The following CCDC171 variants were observed in gnomAD, a reference collection of about 807,000 sequenced individuals.
CCDC171 encodes the protein coiled-coil domain containing 171.
Under a neutral mutation model 168.2 loss-of-function variants are expected in CCDC171, and 177 were observed. The observed-to-expected ratio is 1.05, with a 90% CI of 0.93 to 1.19. The LOEUF (loss-of-function observed/expected upper bound fraction) is 1.19, where lower values mean the gene tolerates loss of function less well. Among genes scored for constraint, CCDC171 ranks in the 50% most tolerant of loss-of-function variants. CCDC171 has a pLI of 0.00. For missense variants in CCDC171, 1,991 were observed against 1,539.0 expected (o/e 1.29, Z -4.91); for synonymous variants, 687 against 540.8 (o/e 1.27, Z -3.75).
chr9:15,899,708 T>C (rs189524351), intron 24 of CCDC171, among the ~76,000 whole-genome samples: 2 of 152,356 alleles, frequency 1.3e-5, no homozygotes. Context: ...CATTTTCTAA[T>C]TGAATTGTCT....
At position 15,860,572 on chromosome 9, in the gene CCDC171, C is replaced by T. The variant is rs540776823; in HGVS notation, c.3468+11625C>T. ...TATTGTGAATTTTCCAGTTTTTCTT[C>T]TATACTTTGTTTCTGGTTTCATTTC... is the stretch of plus-strand genomic sequence containing the variant. On this transcript the variant is annotated intron_variant, in intron 23 of 25. Coordinates refer to ENST00000380701, the MANE Select transcript of CCDC171 (RefSeq NM_173550.4). Among the ~76,000 whole-genome samples, 8 of 151,960 alleles carry T rather than the reference C, an allele frequency of 5.3e-5. No individual in the cohort carries two copies. In the South Asian group the frequency reaches 1.2e-3, roughly 24 times the overall value.
chr9:15,786,999 C>G (rs2057998120), intron 21 of CCDC171, among the ~76,000 whole-genome samples: 1 of 152,138 alleles, frequency 6.6e-6, no homozygotes, highest in East Asian at 1.9e-4. Flanking sequence ...GAATAAACAG[C>G]CTTGTTGCTT....
chr9:15,581,380 T>C (rs1587122682), intron 4 of CCDC171, among the ~76,000 whole-genome samples: 1 of 152,114 alleles, frequency 6.6e-6, no homozygotes, highest in Non-Finnish European at 1.5e-5. Flanking sequence ...GATTGAATGC[T>C]GTCCCCATCA....
chr9:15,811,064 A>G (rs1025487978), intron 21 of CCDC171, among the ~76,000 whole-genome samples: 2 of 152,258 alleles, frequency 1.3e-5, no homozygotes, highest in African/African-American at 2.4e-5. Flanking sequence ...TCTGTTGTAC[A>G]GTGCTGGTCG....
At chr9:15,778,730 C>G (rs1284443811) in intron 19 of CCDC171, among the ~76,000 whole-genome samples, 2 of 151,584 alleles carry the variant, frequency 1.3e-5, no homozygotes, top group Non-Finnish European at 2.9e-5. Context: ...TGTATGAGAC[C>G]TAAACAGCTG....
intron 23 of CCDC171, among the ~76,000 whole-genome samples, chr9:15,866,694 G>A (rs1477107845): frequency 2.0e-5 from 3 of 151,926 alleles, no homozygotes; most frequent in Non-Finnish European, 4.4e-5. Flanking sequence ...ATAATACTCT[G>A]GCAAAGAAAG....
chr9:16,053,269 G>A (rs1172618629), intron 1 of CCDC171, among the ~76,000 whole-genome samples: 1 of 152,246 alleles, frequency 6.6e-6, no homozygotes, highest in East Asian at 1.9e-4. Flanking sequence ...GTGGACCAGA[G>A]TCCAGGTCCA....
At chr9:15,932,699 G>GA (rs1826669506) in intron 25 of CCDC171, among the ~76,000 whole-genome samples, 1 of 151,836 alleles carries the variant, frequency 6.6e-6, no homozygotes, top group African/African-American at 2.4e-5. Flanking sequence ...GATTTTAGGG[G>GA]AAAAACGTCT....
chr9:15,606,661 G>A (rs1221072427), intron 6 of CCDC171, among the ~76,000 whole-genome samples: 4 of 152,056 alleles, frequency 2.6e-5, no homozygotes, highest in Admixed American at 2.6e-4. Flanking sequence ...ACTGTATTTT[G>A]GATTCTGAGA....
chr9:15,604,736 C>G (rs374283202), intron 6 of CCDC171, among the ~76,000 whole-genome samples: 78 of 152,176 alleles, frequency 5.1e-4, no homozygotes, highest in African/African-American at 1.7e-3. Context: ...TGGGGTGCAA[C>G]ATATCAAAAG....
At chr9:15,683,236 T>A (rs1587939996) in intron 10 of CCDC171, among the ~76,000 whole-genome samples, 1 of 152,134 alleles carries the variant, frequency 6.6e-6, no homozygotes, top group East Asian at 1.9e-4. Flanking sequence ...GTGTATATTT[T>A]TTCCCCAATA....
chr9:15,926,598 C>A (rs1366269325), intron 25 of CCDC171, among the ~76,000 whole-genome samples: 1 of 151,560 alleles, frequency 6.6e-6, no homozygotes, highest in African/African-American at 2.4e-5. Context: ...ATCAGGCAGG[C>A]CTGGATGTAC....
At chr9:15,618,458 G>T (rs866159463) in intron 6 of CCDC171, among the ~76,000 whole-genome samples, 4 of 152,196 alleles carry the variant, frequency 2.6e-5, no homozygotes, top group African/African-American at 9.7e-5. Flanking sequence ...GCTAGGCTCC[G>T]TGGGAGTGGG....
At chr9:15,988,041 A>C (rs866017159) in intron 3 of CCDC171, among the ~76,000 whole-genome samples, 1 of 152,228 alleles carries the variant, frequency 6.6e-6, no homozygotes, top group African/African-American at 2.4e-5. Flanking sequence ...AGCAGTAAAC[A>C]ATCCTTTTGT....
chr9:15,587,690 G>C (rs1028081928), intron 4 of CCDC171: 1 of 456,528 alleles, frequency 2.2e-6, no homozygotes, highest in Non-Finnish European at 4.4e-6. Context: ...TCAGATTCTA[G>C]GTGGTGGGTA....
At chr9:15,633,400 C>G (rs1587605991) in intron 7 of CCDC171, among the ~76,000 whole-genome samples, 1 of 152,160 alleles carries the variant, frequency 6.6e-6, no homozygotes, top group Non-Finnish European at 1.5e-5. Flanking sequence ...GACATTTATG[C>G]AGCCAAAAAA....
chr9:15,773,351 A>G (rs552627740), intron 18 of CCDC171, among the ~76,000 whole-genome samples: 30 of 152,302 alleles, frequency 2.0e-4, no homozygotes, highest in African/African-American at 6.0e-4. Context: ...TAACTTTTCA[A>G]TGTCCTTCCT....
chr9:16,068,026 T>C, the CCDC171 span, among the ~76,000 whole-genome samples: 2 of 151,488 alleles, frequency 1.3e-5, no homozygotes, highest in South Asian at 2.1e-4. Context: ...TGTCCCTGTT[T>C]GCAGACGACA....
At chr9:15,703,056 A>G (rs1387339534) in intron 11 of CCDC171, among the ~76,000 whole-genome samples, 1 of 152,082 alleles carries the variant, frequency 6.6e-6, no homozygotes, top group East Asian at 1.9e-4. Context: ...GGTGTGTGCC[A>G]CCACACCCAG....
Sources: gnomAD v4.1 joint callset for allele counts (sites outside exome capture counted in the v4.1 genomes callset) on GRCh38, gnomAD v4.1.1 for gene constraint, MANE v1.5 for transcripts, NCBI Gene and HGNC (gene_info 2026-07-23, HGNC 2026-07-21) for gene names.